Variants in SASH1 observed in about 807,000 individuals in gnomAD.
SASH1 encodes SAM and SH3 domain containing 1, also known as SAM and SH3 domain-containing protein 1.
A neutral mutation model predicts 125.2 loss-of-function variants in SASH1; 44 were observed. The ratio of observed to expected loss-of-function variants is 0.35; its 90% CI spans 0.28 to 0.45. The LOEUF is 0.45. SASH1 is among the 20% of genes least tolerant of loss of function. The pLI is 1.00. For missense variants in SASH1, 1,426 were observed against 1,614.5 expected (o/e 0.88, Z 2.00); for synonymous variants, 639 against 649.1 (o/e 0.98, Z 0.24).
At chr6:148,327,242 C>T (rs1208788845) in intron 1 of SASH1, among the ~76,000 whole-genome samples, 6 of 151,174 alleles carry the variant, frequency 4.0e-5, no homozygotes, top group African/African-American at 7.3e-5. Flanking sequence ...AACGAACGGA[C>T]GAATGAATGA....
chr6:148,351,191 GTTTTTT>G (rs67285564), intron 1 of SASH1, among the ~76,000 whole-genome samples: 4 of 102,146 alleles, frequency 3.9e-5, no homozygotes, highest in African/African-American at 1.0e-4. Context: ...TGCGATAGTA[GTTTTTT>G]TTTTTTTTTT....
intron 1 of SASH1, among the ~76,000 whole-genome samples, chr6:148,343,773 T>C (rs1393736402): frequency 1.3e-5 from 2 of 152,246 alleles, no homozygotes; most frequent in Non-Finnish European, 2.9e-5. Flanking sequence ...CTGTCATGTA[T>C]TTTGAAATGT....
intron 4 of SASH1, among the ~76,000 whole-genome samples, chr6:148,457,112 A>G (rs1332024455): frequency 6.6e-6 from 1 of 151,414 alleles, no homozygotes; most frequent in Non-Finnish European, 1.5e-5. Flanking sequence ...AGGCCATAAA[A>G]TGAAGGCATT....
chr6:148,372,725 TCA>T (rs1197132667), intron 1 of SASH1, among the ~76,000 whole-genome samples: 3 of 152,158 alleles, frequency 2.0e-5, no homozygotes, highest in African/African-American at 7.2e-5. Flanking sequence ...ATTCATTCAT[TCA>T]TTCATTCAGT....
chr6:148,447,661 T>TTCCTCTTGTTCTTCC (rs1161451717), intron 4 of SASH1, among the ~76,000 whole-genome samples: 10 of 134,330 alleles, frequency 7.4e-5, no homozygotes, highest in Non-Finnish European at 1.6e-4. Context: ...CCTCCTCTTC[T>TTCCTCTTGTTCTTCC]TCCTCTTGTT....
In SASH1 at chr6:148,533,454, G is replaced by A. The variant is rs540654040; in HGVS notation, c.1735-317G>A. On this transcript the variant is annotated intron_variant, in intron 14 of 19. Transcript: ENST00000367467. This position sits in a 1 kb window ranked among gnomAD's most constrained non-coding sequence, Gnocchi z 6.2. ...TGGGAGCCCTCTGAGGAGGGAAGGCGTTCAGAGTGCCGGGCGGGCAGCCTG... is the reference window on the plus strand; with the variant it reads ...TGGGAGCCCTCTGAGGAGGGAAGGCATTCAGAGTGCCGGGCGGGCAGCCTG... Among the ~76,000 whole-genome samples the A allele has an allele frequency of 1.3e-5, 2 of 152,314 alleles. No individual in the cohort carries two copies. Among genetic ancestry groups the A allele is most frequent in the African/African-American group, 4.8e-5 (2 of 41,576 alleles).
chr6:148,418,098 G>A (rs912665347), intron 2 of SASH1, among the ~76,000 whole-genome samples: 6 of 152,134 alleles, frequency 3.9e-5, no homozygotes, highest in African/African-American at 1.2e-4. Flanking sequence ...GGCTTATGAG[G>A]TATATAGATG....
At chr6:148,422,999 C>G (rs1009319504) in intron 2 of SASH1, among the ~76,000 whole-genome samples, 33 of 152,136 alleles carry the variant, frequency 2.2e-4, no homozygotes, top group African/African-American at 8.0e-4. Context: ...AGTGCAGTGG[C>G]GTGATCTCGG....
chr6:148,543,143 G>A (rs892219710), intron 17 of SASH1, among the ~76,000 whole-genome samples: 2 of 152,210 alleles, frequency 1.3e-5, no homozygotes, highest in Admixed American at 6.5e-5. Flanking sequence ...TTACCTGTCT[G>A]TGTCCAGGTT....
At chr6:148,381,643 T>TTTTTTTA (rs1562366167) in intron 1 of SASH1, among the ~76,000 whole-genome samples, 2 of 140,630 alleles carry the variant, frequency 1.4e-5, no homozygotes, top group African/African-American at 2.8e-5. Flanking sequence ...TTTTTTTTTT[T>TTTTTTTA]GAGACAGAGT....
At chr6:148,354,913 C>T (rs1781870365) in intron 1 of SASH1, among the ~76,000 whole-genome samples, 1 of 152,148 alleles carries the variant, frequency 6.6e-6, no homozygotes, top group African/African-American at 2.4e-5. Context: ...GCATATGCCA[C>T]CACCCCCATC....
intron 1 of SASH1, among the ~76,000 whole-genome samples, chr6:148,286,169 T>A (rs1277450175): frequency 6.6e-6 from 1 of 151,966 alleles, no homozygotes; most frequent in Non-Finnish European, 1.5e-5. Context: ...CTGTATTAGA[T>A]CATGCCACTG....
rs550647995 is a variant in SASH1, at chr6:148,535,771, T to A, written c.2095+870T>A. On this transcript the variant is annotated intron_variant, in intron 16 of 19. Transcript: ENST00000367467. ...AATCATTCATCTTAAAGGAGTATCC[T>A]TTCCAGTTACTGAATTCAAACACGT... Among the ~76,000 whole-genome samples, 7 of 152,334 alleles carry A rather than the reference T, an allele frequency of 4.6e-5. No individual in the cohort carries two copies. The East Asian group carries it at 1.3e-3, about 29-fold the overall frequency.
intron 16 of SASH1, among the ~76,000 whole-genome samples, chr6:148,536,838 A>G (rs1583321487): frequency 6.6e-6 from 1 of 152,308 alleles, no homozygotes; most frequent in African/African-American, 2.4e-5. Context: ...GGGTATCGCT[A>G]TCCATCAGGT....
the SASH1 span, among the ~76,000 whole-genome samples, chr6:148,244,601 G>A: frequency 1.3e-5 from 2 of 152,230 alleles, no homozygotes; most frequent in East Asian, 1.9e-4. Context: ...GTAGGCCTCC[G>A]TTTCTTTAAT....
chr6:148,471,649 A>AT, intron 6 of SASH1, 146 bp downstream of exon 6: 2 of 610,068 alleles, frequency 3.3e-6, no homozygotes, highest in South Asian at 4.2e-5. Context: ...CATTTCTGTT[A>AT]TTACTTTAAG....
chr6:148,326,410 TTTTC>T (rs1343907958), intron 1 of SASH1, among the ~76,000 whole-genome samples: 17 of 111,526 alleles, frequency 1.5e-4, no homozygotes, highest in South Asian at 5.9e-4. Context: ...TTTTCTTTTC[TTTTC>T]TTTTTTTTGA....
In SASH1 at chr6:148,290,081, T is replaced by A. The variant is rs1215104643; in HGVS notation, n.74+17704T>A. Among the ~76,000 whole-genome samples, 14 of 151,302 alleles carry A rather than the reference T, an allele frequency of 9.3e-5. 1 individual carries two copies. Among genetic ancestry groups the A allele is most frequent in the Admixed American group, 2.0e-4 (3 of 15,200 alleles). ...AGGGGTTTCACTATGTTGGCCAGAC[T>A]GGTCTCAAACTCCTGACCTCAGTTG... On this transcript the variant is annotated intron_variant and non_coding_transcript_variant, in intron 1 of 3. Coordinates refer to the SASH1 transcript ENST00000367469.
At chr6:148,356,670 G>C (rs1335094438) in intron 1 of SASH1, among the ~76,000 whole-genome samples, 1 of 151,856 alleles carries the variant, frequency 6.6e-6, no homozygotes, top group African/African-American at 2.4e-5. Flanking sequence ...GGCCAGGCTG[G>C]TCTCGAGCTC....
Sources: gnomAD v4.1 joint callset for allele counts (sites outside exome capture counted in the v4.1 genomes callset) on GRCh38, gnomAD v4.1.1 for gene constraint, Gnocchi (gnomAD v3.1) non-coding constraint, MANE v1.5 for transcripts, NCBI Gene and HGNC (gene_info 2026-07-23, HGNC 2026-07-21) for gene names.